SPG11: variants seen among roughly 807,000 people sequenced by gnomAD.
The protein encoded by SPG11 is spatacsin.
A neutral mutation model predicts 274.0 loss-of-function variants in SPG11; 222 were observed. The ratio of observed to expected loss-of-function variants is 0.81; its 90% CI spans 0.73 to 0.91. SPG11 has a LOEUF of 0.91. Among genes scored for constraint, SPG11 ranks in the 40% least tolerant of loss-of-function variants. The pLI is 0.00. For synonymous variants in SPG11, 1,144 were observed against 1,039.7 expected, an observed-to-expected ratio of 1.10 and a Z score of -1.93; for missense variants, 3,114 against 2,872.7, an observed-to-expected ratio of 1.08 and a Z score of -1.92.
chr15:44,575,067 G>A, intron 30 of SPG11, 26 bp from the exon 31 acceptor site: 1 of 1,613,014 alleles, frequency 6.2e-7, no homozygotes, highest in Non-Finnish European at 8.5e-7. Flanking sequence ...AGTCTGAGGG[G>A]CTCTAAGCTG....
intron 4 of SPG11, 61 bp downstream of exon 4, chr15:44,657,034 T>G: frequency 1.4e-6 from 2 of 1,459,468 alleles, no homozygotes; most frequent in Non-Finnish European, 1.9e-6. Context: ...ACGAGGATAT[T>G]TTTAACCTCT....
intron 6 of SPG11, among the ~76,000 whole-genome samples, 189 bp from the exon 7 acceptor site, chr15:44,649,200 T>C (rs1276059662): frequency 6.6e-6 from 1 of 152,046 alleles, no homozygotes; most frequent in Non-Finnish European, 1.5e-5. Context: ...GCGAGTTTTG[T>C]GGGTTTTTCC....
At chr15:44,575,064 G>C (rs765637384) in intron 30 of SPG11, 23 bp from the exon 31 acceptor site, 3 of 1,613,192 alleles carry the variant, frequency 1.9e-6, no homozygotes, top group Non-Finnish European at 2.5e-6. Context: ...ACAAGTCTGA[G>C]GGGCTCTAAG....
intron 7 of SPG11, among the ~76,000 whole-genome samples, chr15:44,646,331 TCA>T (rs2084610081): frequency 6.6e-6 from 1 of 152,170 alleles, no homozygotes; most frequent in African/African-American, 2.4e-5. Flanking sequence ...TTTAATTGAC[TCA>T]CAGTTCTGCA....
At chr15:44,638,780 A>G (rs1412163835) in intron 7 of SPG11, among the ~76,000 whole-genome samples, 2 of 152,074 alleles carry the variant, frequency 1.3e-5, no homozygotes, top group African/African-American at 2.4e-5. Flanking sequence ...TGGATCACCT[A>G]AAGTTTGGAG....
At chr15:44,580,739 C>T (rs1194828753) in intron 30 of SPG11, among the ~76,000 whole-genome samples, 4 of 152,156 alleles carry the variant, frequency 2.6e-5, no homozygotes, top group Non-Finnish European at 5.9e-5. Context: ...TGCAGTAAGC[C>T]GAGATTGCGC....
chr15:44,576,278 A>G (rs972902684), intron 30 of SPG11, among the ~76,000 whole-genome samples: 3 of 152,152 alleles, frequency 2.0e-5, no homozygotes, highest in Non-Finnish European at 4.4e-5. Context: ...CAAAACAGAA[A>G]AATTTAAATG....
At chr15:44,630,918 A>G (rs552639834) in intron 8 of SPG11, among the ~76,000 whole-genome samples, 1 of 152,210 alleles carries the variant, frequency 6.6e-6, no homozygotes, top group Non-Finnish European at 1.5e-5. Context: ...TCCACCACAT[A>G]TGAGATTTAG....
intron 39 of SPG11, 78 bp from the exon 40 acceptor site, chr15:44,563,379 C>T (rs2082237049): frequency 1.4e-6 from 2 of 1,392,934 alleles, no homozygotes; most frequent in Non-Finnish European, 1.0e-6. Flanking sequence ...TACTCTGTTG[C>T]CCAGGCTGGA....
Position 44,626,358 on chromosome 15 carries a change from C to G in SPG11, c.2217G>C (p.Lys739Asn). 6.2e-7 allele frequency: 1 copy of G among 1,612,938 alleles called. No individual in the cohort carries two copies. Among genetic ancestry groups the G allele is most frequent in the South Asian group, 1.1e-5 (1 of 90,946 alleles). ...TATTCTTCAAAAGTTCAGAGGCTTC[C>G]TTTATATTGTTCTTTTTTAAATTGT... The part of the protein sequence containing the change: ...VFDNLKKNNI[K>N]EASELLKNMG... The change falls in exon 11 of 40, where the codon AAG becomes AAC. Residue 739 changes from lysine (K) to asparagine (N), a missense_variant. Transcript: ENST00000261866.
At chr15:44,643,539 C>T (rs890436935) in intron 7 of SPG11, among the ~76,000 whole-genome samples, 7 of 151,904 alleles carry the variant, frequency 4.6e-5, no homozygotes, top group African/African-American at 1.4e-4. Flanking sequence ...TTGAACTTAA[C>T]GTGCATAATA....
rs756656483 is a variant in SPG11 at position 44,610,923 on chromosome 15, C to T, written c.3208G>A (p.Ala1070Thr). ...TCCAATAGCATACTGCTTACACTGG[C>T]CTGATTGGTGGGAATCAAAATCTGA... is the stretch of plus-strand genomic sequence containing the variant. ...NAQILIPTNQ[A>T]SVSSMLLEGH... The change falls in exon 18 of 40, where the codon GCC becomes ACC. Residue 1070 changes from alanine to threonine, a missense_variant. By Grantham distance (58) the Ala-to-Thr change is moderately conservative (BLOSUM62 0). Coordinates refer to ENST00000261866, the MANE Select transcript of SPG11 (RefSeq NM_025137.4). The T allele has an allele frequency of 4.3e-6, 7 of 1,613,782 alleles. No individual in the cohort carries two copies. The highest frequency in any genetic ancestry group is 1.1e-5 in the South Asian group (1 of 91,054).
At chr15:44,625,824 C>A (rs569590364) in intron 11 of SPG11, among the ~76,000 whole-genome samples, 1 of 152,094 alleles carries the variant, frequency 6.6e-6, no homozygotes, top group African/African-American at 2.4e-5. Context: ...GGATTACAGG[C>A]GCCCGCCACC....
At chr15:44,595,923 C>A in intron 25 of SPG11, 160 bp downstream of exon 25, 1 of 948,486 alleles carries the variant, frequency 1.1e-6, no homozygotes, top group South Asian at 1.4e-5. Context: ...TGGCCCAGAG[C>A]CTAAGCTAGA....
chr15:44,638,734 G>A (rs1468597123), intron 7 of SPG11, among the ~76,000 whole-genome samples: 1 of 152,160 alleles, frequency 6.6e-6, no homozygotes, highest in African/African-American at 2.4e-5. Context: ...AGTGGCACAC[G>A]CCTGTAATCC....
chr15:44,645,960 T>C (rs1007836573), intron 7 of SPG11, among the ~76,000 whole-genome samples: 7 of 152,116 alleles, frequency 4.6e-5, no homozygotes, highest in African/African-American at 1.4e-4. Flanking sequence ...GAATGGCTAT[T>C]ATGAAAAAGT....
At chr15:44,566,144 C>T (rs2082303975) in intron 37 of SPG11, 73 bp downstream of exon 37, 1 of 1,597,302 alleles carries the variant, frequency 6.3e-7, no homozygotes, top group Non-Finnish European at 8.6e-7. Context: ...GGAAAGAGCC[C>T]AAGGACAAAA....
rs1233783353 is a variant in SPG11 at position 44,663,385 on chromosome 15, A to G, written c.257+6T>C. ...CCCAACGGCCCAACTCTCCCTCAGC[A>G]CTTACTGCCAGAAGGGGCCCTCCAG... On this transcript the variant is annotated splice_donor_region_variant and intron_variant, in intron 1 of 39. Transcript: ENST00000261866. 6.2e-7 allele frequency: 1 copy of G among 1,606,290 alleles called. No homozygotes were observed. Among genetic ancestry groups the G allele is most frequent in the East Asian group, 2.3e-5 (1 of 44,416 alleles).
chr15:44,646,696 G>A (rs933250697), intron 7 of SPG11, among the ~76,000 whole-genome samples: 1 of 152,160 alleles, frequency 6.6e-6, no homozygotes, highest in African/African-American at 2.4e-5. Flanking sequence ...TGGAGCTAGA[G>A]GCCATTATCC....
Sources: gnomAD v4.1 joint callset for allele counts (sites outside exome capture counted in the v4.1 genomes callset) on GRCh38, gnomAD v4.1.1 for gene constraint, MANE v1.5 for transcripts, NCBI Gene and HGNC (gene_info 2026-07-23, HGNC 2026-07-21) for gene names.